CDH13: variants seen among roughly 807,000 people sequenced by gnomAD.
CDH13 encodes the protein cadherin 13, also known as cadherin-13.
A neutral mutation model predicts 63.8 loss-of-function variants in CDH13; 24 were observed. The ratio of observed to expected loss-of-function variants is 0.38; its 90% CI spans 0.27 to 0.53. The LOEUF (loss-of-function observed/expected upper bound fraction) is 0.53. CDH13 is among the 20% of genes least tolerant of loss of function. The pLI, the probability that CDH13 is intolerant of heterozygous loss-of-function variation, is 0.85. For synonymous variants in CDH13, 503 were observed against 355.3 expected (o/e 1.42, Z -4.67); for missense variants, 1,049 against 903.1 (o/e 1.16, Z -2.07).
intron 5 of CDH13, among the ~76,000 whole-genome samples, chr16:83,333,132 A>T (rs2090513720): frequency 6.6e-6 from 1 of 152,182 alleles, no homozygotes; most frequent in Non-Finnish European, 1.5e-5. Flanking sequence ...GAGGAATGTT[A>T]CAAAGGGCTT....
At chr16:83,081,368 G>T (rs994991980) in intron 3 of CDH13, among the ~76,000 whole-genome samples, 1 of 152,132 alleles carries the variant, frequency 6.6e-6, no homozygotes, top group African/African-American at 2.4e-5. Context: ...TTGAACACAG[G>T]ATCACAGCTA....
At chr16:82,837,761 T>C (rs1256913673) in intron 1 of CDH13, among the ~76,000 whole-genome samples, 1 of 152,196 alleles carries the variant, frequency 6.6e-6, no homozygotes, top group African/African-American at 2.4e-5. Flanking sequence ...AGCCTCTGCC[T>C]GATACATAGC....
chr16:83,593,816 A>G (rs1906996068), intron 7 of CDH13, among the ~76,000 whole-genome samples: 1 of 152,206 alleles, frequency 6.6e-6, no homozygotes, highest in Admixed American at 6.5e-5. Flanking sequence ...AGAAGCTCGG[A>G]TTGTCATAGC....
chr16:83,283,633 G>C (rs772379692), intron 5 of CDH13, among the ~76,000 whole-genome samples: 4 of 152,034 alleles, frequency 2.6e-5, no homozygotes, highest in Admixed American at 2.0e-4. Context: ...TGCAGCCAGG[G>C]GCAATATCTA....
chr16:83,545,906 A>G lies in CDH13; in HGVS notation c.961-56548A>G, dbSNP rs553012619. Among the ~76,000 whole-genome samples, 20 of 152,292 alleles carry G rather than the reference A, an allele frequency of 1.3e-4. No individual in the cohort carries two copies. The South Asian group carries it at 2.1e-3, about 16-fold the overall frequency. ...CATTCATTCATTCATTCATTCAATG[A>G]CAACTATCTACCAGGAGCTGTTCTA... On this transcript the variant is annotated intron_variant, in intron 7 of 13. Coordinates refer to ENST00000567109, the MANE Select transcript of CDH13 (RefSeq NM_001257.5).
intron 8 of CDH13, among the ~76,000 whole-genome samples, chr16:83,619,859 A>T (rs1323723708): frequency 6.6e-6 from 1 of 152,218 alleles, no homozygotes; most frequent in Non-Finnish European, 1.5e-5. Context: ...CACAATTCAA[A>T]GTCTAGCAGT....
At chr16:83,000,949 C>A (rs1295302079) in intron 2 of CDH13, among the ~76,000 whole-genome samples, 2 of 152,174 alleles carry the variant, frequency 1.3e-5, no homozygotes, top group African/African-American at 4.8e-5. Context: ...GCTTTTCTCT[C>A]TTTCCTCAGC....
chr16:83,015,507 A>C (rs1004181645), intron 2 of CDH13, among the ~76,000 whole-genome samples: 7 of 151,226 alleles, frequency 4.6e-5, no homozygotes, highest in Non-Finnish European at 1.0e-4. Context: ...AAATCAACAT[A>C]ATCCAAAGGT....
chr16:83,081,151 G>C (rs989675407), intron 3 of CDH13, among the ~76,000 whole-genome samples: 1 of 151,912 alleles, frequency 6.6e-6, no homozygotes, highest in Non-Finnish European at 1.5e-5. Flanking sequence ...AAAATGCTGG[G>C]ATTATAAGCA....
intron 3 of CDH13, among the ~76,000 whole-genome samples, chr16:83,057,195 G>A (rs1234305063): frequency 3.3e-5 from 5 of 152,110 alleles, no homozygotes; most frequent in African/African-American, 1.2e-4. Context: ...TTGATCTCCT[G>A]ACCTCGTGAT....
At chr16:82,953,582 G>C (rs1905606380) in intron 2 of CDH13, 1 of 152,192 alleles carries the variant, frequency 6.6e-6, no homozygotes, top group Non-Finnish European at 1.5e-5. Flanking sequence ...CAGCAGCTCT[G>C]GTTGGCAGTT....
intron 6 of CDH13, among the ~76,000 whole-genome samples, chr16:83,407,135 G>A (rs771951359): frequency 6.6e-6 from 1 of 152,184 alleles, no homozygotes; most frequent in South Asian, 2.1e-4. Context: ...TCTGGGAGCA[G>A]GAAGACTGCA....
At chr16:82,718,344 A>G (rs180819978) in intron 1 of CDH13, among the ~76,000 whole-genome samples, 31 of 152,304 alleles carry the variant, frequency 2.0e-4, no homozygotes, top group African/African-American at 7.2e-4. Context: ...CAGCCTCTGT[A>G]GGGCACAGGT....
chr16:83,785,692 G>C (rs1014523513), intron 13 of CDH13, among the ~76,000 whole-genome samples: 3 of 152,124 alleles, frequency 2.0e-5, no homozygotes, highest in African/African-American at 7.2e-5. Flanking sequence ...GTATCAGCTG[G>C]GGAGATGGTG....
chr16:83,426,700 ATG>A (rs779615826), intron 6 of CDH13, among the ~76,000 whole-genome samples: 12 of 152,048 alleles, frequency 7.9e-5, no homozygotes, highest in Non-Finnish European at 1.3e-4. Flanking sequence ...TGTAGATAGA[ATG>A]AGAGATGCTG....
chr16:83,195,750 T>A (rs925718081), intron 4 of CDH13, among the ~76,000 whole-genome samples: 3 of 152,090 alleles, frequency 2.0e-5, no homozygotes, highest in African/African-American at 4.8e-5. Context: ...CAAGATAGCA[T>A]GATACAGCAG....
At chr16:82,767,193 T>C (rs2035088124) in intron 1 of CDH13, among the ~76,000 whole-genome samples, 1 of 152,234 alleles carries the variant, frequency 6.6e-6, no homozygotes, top group Non-Finnish European at 1.5e-5. Context: ...AAATCTTAAG[T>C]GTGTATTCTG....
chr16:83,274,733 G>T (rs1006531249), intron 5 of CDH13, among the ~76,000 whole-genome samples: 15 of 152,156 alleles, frequency 9.9e-5, no homozygotes, highest in Admixed American at 3.3e-4. Flanking sequence ...GGCAGGGGGG[G>T]TGTTTATTAA....
intron 2 of CDH13, chr16:82,859,734 AG>A (rs897639763): frequency 6.6e-6 from 1 of 151,020 alleles, no homozygotes; most frequent in Non-Finnish European, 1.5e-5. Context: ...AGGAAAGACA[AG>A]AAAAAAAAAA....
Sources: gnomAD v4.1 joint callset for allele counts (sites outside exome capture counted in the v4.1 genomes callset) on GRCh38, gnomAD v4.1.1 for gene constraint, MANE v1.5 for transcripts, NCBI Gene and HGNC (gene_info 2026-07-23, HGNC 2026-07-21) for gene names.